Variants in FAAH2 observed in about 807,000 individuals in gnomAD.
FAAH2 encodes the protein fatty-acid amide hydrolase 2.
A neutral mutation model predicts 36.9 loss-of-function variants in FAAH2; 60 were observed. The observed-to-expected ratio is 1.63, with a 90% CI of 1.32 to 2.02. FAAH2 has a LOEUF of 2.02. Ranked by LOEUF, FAAH2 falls within the 30% of genes most tolerant of loss-of-function variation. The pLI is 0.00. For missense variants in FAAH2, 689 were observed against 397.5 expected, an observed-to-expected ratio of 1.73 and a Z score of -6.23; for synonymous variants, 214 against 143.8, an observed-to-expected ratio of 1.49 and a Z score of -3.49.
At chrX:57,172,279 T>C in the FAAH2 span, among the ~76,000 whole-genome samples, 149 of 111,812 alleles carry the variant, frequency 1.3e-3, 1 homozygote, top group African/African-American at 4.7e-3. Context: ...TTTTTCTAAT[T>C]CTGTGAGAAA....
At chrX:57,227,385 C>A in the FAAH2 span, among the ~76,000 whole-genome samples, 1 of 111,221 alleles carries the variant, frequency 9.0e-6, no homozygotes, top group African/African-American at 3.3e-5. Flanking sequence ...GATGTGGCTT[C>A]CTGTGAACTG....
intron 3 of FAAH2, among the ~76,000 whole-genome samples, chrX:57,322,804 ATTTCT>A (rs2146954980): frequency 6.8e-5 from 1 of 14,618 alleles, no homozygotes; most frequent in African/African-American, 7.8e-5. Context: ...AATGCTTGTG[ATTTCT>A]TTTTTTTTTT....
intron 10 of FAAH2, among the ~76,000 whole-genome samples, chrX:57,449,222 G>A (rs1356353366): frequency 1.8e-5 from 2 of 112,133 alleles, no homozygotes; most frequent in Non-Finnish European, 3.8e-5. Flanking sequence ...TCATGATTAT[G>A]TGAAGTCTAA....
At chrX:57,290,392 G>A in intron 1 of FAAH2, 1 of 448,716 alleles carries the variant, frequency 2.2e-6, no homozygotes, top group South Asian at 1.2e-4. Context: ...ATCTCTGTCT[G>A]TGCATGCATT....
chrX:57,394,789 G>C, intron 7 of FAAH2: 1 of 992,558 alleles, frequency 1.0e-6, no homozygotes, highest in South Asian at 1.9e-5. Flanking sequence ...CCACCAGGAT[G>C]TCGCCTTTAT....
intron 4 of FAAH2, among the ~76,000 whole-genome samples, chrX:57,338,368 T>A (rs1204324554): frequency 8.9e-6 from 1 of 111,873 alleles, no homozygotes; most frequent in Admixed American, 9.5e-5. Context: ...CCATTTTCAC[T>A]TCTTTTGTGG....
intron 5 of FAAH2, among the ~76,000 whole-genome samples, chrX:57,352,051 T>C (rs772250574): frequency 0.72 from 22,754 of 31,819 alleles, 7,218 homozygotes; most frequent in South Asian, 0.82. Flanking sequence ...TATATATGTG[T>C]ATATATATAT....
chrX:57,466,074 A>G lies in FAAH2; in HGVS notation c.1423+17356A>G, dbSNP rs188853564. On this transcript the variant is annotated intron_variant, in intron 10 of 10. Coordinates refer to ENST00000374900, the MANE Select transcript of FAAH2 (RefSeq NM_174912.4). ...TTCTTTCATACACACGCACACATAA[A>G]AACACATACATACATTATATAAAGT... Among the ~76,000 whole-genome samples the G allele has an allele frequency of 1.9e-4, 20 of 106,451 alleles. No homozygotes were observed. The East Asian group carries it at 5.9e-3, about 32-fold the overall frequency. 92.4% of individuals were successfully genotyped at this position (106,451 alleles called of 115,157 possible).
intron 5 of FAAH2, among the ~76,000 whole-genome samples, chrX:57,378,337 G>C (rs2054740516): frequency 9.0e-6 from 1 of 110,828 alleles, no homozygotes; most frequent in Non-Finnish European, 1.9e-5. Flanking sequence ...TTCCATATAG[G>C]CTCTGCAGAC....
chrX:57,410,094 AT>A (rs921889284), intron 7 of FAAH2, among the ~76,000 whole-genome samples: 5 of 108,671 alleles, frequency 4.6e-5, no homozygotes, highest in South Asian at 3.8e-4. Flanking sequence ...TTTGTCCAAG[AT>A]TTTTTTTTAA....
chrX:57,439,744 T>G (rs759544790), intron 8 of FAAH2, among the ~76,000 whole-genome samples: 22 of 112,119 alleles, frequency 2.0e-4, no homozygotes, highest in African/African-American at 6.8e-4. Context: ...GGTCTAACGT[T>G]TAAGTCTTTA....
intron 10 of FAAH2, among the ~76,000 whole-genome samples, chrX:57,478,272 C>T (rs1327868420): frequency 9.0e-6 from 1 of 111,696 alleles, no homozygotes; most frequent in Admixed American, 9.5e-5. Context: ...TGTTTTTTGG[C>T]TTCATAAATG....
At chrX:57,486,647 C>G (rs1375198842) in intron 10 of FAAH2, among the ~76,000 whole-genome samples, 4 of 111,520 alleles carry the variant, frequency 3.6e-5, no homozygotes, top group Non-Finnish European at 3.8e-5. Context: ...TGGAATGAGA[C>G]AAGAGTGAGC....
At chrX:57,483,286 C>T (rs897669064) in intron 10 of FAAH2, among the ~76,000 whole-genome samples, 4 of 111,359 alleles carry the variant, frequency 3.6e-5, no homozygotes, top group East Asian at 2.8e-4. Context: ...ATTCTTTCTT[C>T]TACTTGGTCT....
chrX:57,215,344 G>T, the FAAH2 span, among the ~76,000 whole-genome samples: 1 of 111,524 alleles, frequency 9.0e-6, no homozygotes, highest in East Asian at 2.8e-4. Flanking sequence ...TGAATAAATA[G>T]GAATGCTTTT....
chrX:57,369,555 G>A (rs1421506302), intron 5 of FAAH2, among the ~76,000 whole-genome samples: 1 of 111,814 alleles, frequency 8.9e-6, no homozygotes, highest in Non-Finnish European at 1.9e-5. Context: ...TAAGGAGAAT[G>A]GGATGGTATA....
At chrX:57,204,202 G>C in the FAAH2 span, among the ~76,000 whole-genome samples, 1 of 111,195 alleles carries the variant, frequency 9.0e-6, no homozygotes, top group Non-Finnish European at 1.9e-5. Context: ...TTTCTGTCCA[G>C]GTCCAAATCT....
At chrX:57,403,990 A>T (rs1396898747) in intron 7 of FAAH2, among the ~76,000 whole-genome samples, 2 of 112,792 alleles carry the variant, frequency 1.8e-5, no homozygotes, top group African/African-American at 6.4e-5. Context: ...TGAACTGGTG[A>T]GGTGTGCTCA....
intron 5 of FAAH2, among the ~76,000 whole-genome samples, chrX:57,378,218 G>C (rs1372679102): frequency 2.7e-5 from 3 of 111,996 alleles, no homozygotes; most frequent in Non-Finnish European, 5.6e-5. Flanking sequence ...ATTTGTTATG[G>C]CTTCTGTTTA....
Sources: gnomAD v4.1 joint callset for allele counts (sites outside exome capture counted in the v4.1 genomes callset) on GRCh38, gnomAD v4.1.1 for gene constraint, MANE v1.5 for transcripts, NCBI Gene and HGNC (gene_info 2026-07-23, HGNC 2026-07-21) for gene names.